INVS: variants seen among roughly 807,000 people sequenced by gnomAD.
INVS encodes the protein inversion of embryo turning homolog.
INVS carries 86 observed loss-of-function variants against 108.8 expected under a neutral mutation model. The ratio of observed to expected loss-of-function variants is 0.79; its 90% CI spans 0.66 to 0.95. INVS has a LOEUF of 0.95. INVS is among the 40% of genes least tolerant of loss of function. The pLI is 0.00. For synonymous variants in INVS, 455 were observed against 473.5 expected, an observed-to-expected ratio of 0.96 and a Z score of 0.51; for missense variants, 1,169 against 1,297.4, an observed-to-expected ratio of 0.90 and a Z score of 1.52.
chr9:100,275,925 G>A (rs1225674689), intron 12 of INVS, among the ~76,000 whole-genome samples: 1 of 152,178 alleles, frequency 6.6e-6, no homozygotes, highest in East Asian at 1.9e-4. Context: ...CAAAGCACAC[G>A]GTTGAGTGTA....
At chr9:100,104,467 C>A in intron 1 of INVS, 31 bp from the exon 2 acceptor site, 2 of 1,180,070 alleles carry the variant, frequency 1.7e-6, no homozygotes, top group Non-Finnish European at 2.5e-6. Context: ...ATGTTTGCTG[C>A]ATGCGCTCAT....
At chr9:100,283,140 C>G (rs1198947461) in intron 12 of INVS, among the ~76,000 whole-genome samples, 1 of 152,094 alleles carries the variant, frequency 6.6e-6, no homozygotes, top group Non-Finnish European at 1.5e-5. Context: ...GAGACCCCCC[C>G]TCCCCATCTC....
intron 12 of INVS, 90 bp downstream of exon 12, chr9:100,273,166 G>A (rs1301899612): frequency 2.2e-6 from 2 of 919,136 alleles, no homozygotes; most frequent in Non-Finnish European, 3.6e-6. Flanking sequence ...CCAGGAGAGG[G>A]AAACAGATGA....
chr9:100,253,831 T>C (rs1480212060), intron 10 of INVS, among the ~76,000 whole-genome samples: 1 of 152,154 alleles, frequency 6.6e-6, no homozygotes, highest in East Asian at 1.9e-4. Flanking sequence ...TACATTTGGG[T>C]TGGTTCCAAG....
chr9:100,133,338 A>ATGTGTGTG (rs140513551), intron 3 of INVS, among the ~76,000 whole-genome samples: 2 of 146,498 alleles, frequency 1.4e-5, no homozygotes, highest in African/African-American at 5.0e-5. Flanking sequence ...CCTTTACTTT[A>ATGTGTGTG]TGTGTGTGTG....
At chr9:100,135,965 T>C (rs556477334) in intron 3 of INVS, among the ~76,000 whole-genome samples, 1 of 152,110 alleles carries the variant, frequency 6.6e-6, no homozygotes, top group African/African-American at 2.4e-5. Context: ...AGTGGTGTTA[T>C]GGAGCCAGAG....
At chr9:100,124,231 A>G (rs904191243) in intron 2 of INVS, among the ~76,000 whole-genome samples, 2 of 149,718 alleles carry the variant, frequency 1.3e-5, no homozygotes, top group South Asian at 4.2e-4. Flanking sequence ...TGTTCTAGGT[A>G]TTAGAATATG....
intron 10 of INVS, among the ~76,000 whole-genome samples, chr9:100,257,664 T>G (rs1430582654): frequency 6.6e-6 from 1 of 152,230 alleles, no homozygotes; most frequent in African/African-American, 2.4e-5. Context: ...CCTTCACTTA[T>G]GAAGCTTAGT....
At chr9:100,230,746 T>C (rs764857427) in intron 5 of INVS, among the ~76,000 whole-genome samples, 30 of 152,122 alleles carry the variant, frequency 2.0e-4, no homozygotes, top group Non-Finnish European at 3.7e-4. Flanking sequence ...CTCGACCTCT[T>C]GACCTCGTGA....
intron 3 of INVS, chr9:100,214,970 T>G (rs1383710632): frequency 6.6e-6 from 1 of 152,244 alleles, no homozygotes; most frequent in Non-Finnish European, 1.5e-5. Flanking sequence ...AGTTAATGTG[T>G]CCCATTCCAG....
At chr9:100,127,393 C>A (rs1827920681) in intron 3 of INVS, among the ~76,000 whole-genome samples, 1 of 151,870 alleles carries the variant, frequency 6.6e-6, no homozygotes, top group African/African-American at 2.4e-5. Context: ...AAGATTAAAC[C>A]CATCAAACAG....
At chr9:100,110,126 G>C (rs1256793921) in intron 2 of INVS, among the ~76,000 whole-genome samples, 1 of 152,168 alleles carries the variant, frequency 6.6e-6, no homozygotes, top group Non-Finnish European at 1.5e-5. Context: ...TTGCCTACAT[G>C]CAAATGTGTT....
In INVS at chr9:100,104,620, C is replaced by G; in HGVS notation, c.99C>G (p.Leu33=). ...VNGDKGALQR[L]IVGNSALKDK... The stretch of plus-strand genomic sequence containing the variant: ...GAGATAAGGGTGCTCTACAGAGGCT[C>G]ATCGTAGGTAAGCAGTCCCCTTAAG... Residue 33 remains leucine, a synonymous_variant, in exon 2 of 17, where the codon CTC becomes CTG. Coordinates refer to ENST00000262457, the MANE Select transcript of INVS (RefSeq NM_014425.5). The G allele has an allele frequency of 4.3e-6, 7 of 1,610,346 alleles. No individual in the cohort carries two copies. Among genetic ancestry groups the G allele is most frequent in the Non-Finnish European group, 5.9e-6 (7 of 1,176,496 alleles).
chr9:100,289,265 T>G (rs1833542651), intron 13 of INVS, among the ~76,000 whole-genome samples: 1 of 152,224 alleles, frequency 6.6e-6, no homozygotes, highest in South Asian at 2.1e-4. Flanking sequence ...CAAGGTTCAC[T>G]TCTCTCTAGA....
intron 1 of INVS, among the ~76,000 whole-genome samples, chr9:100,100,316 C>T (rs1433524518): frequency 6.6e-6 from 1 of 151,536 alleles, no homozygotes; most frequent in African/African-American, 2.4e-5. Flanking sequence ...CTTACCAAGG[C>T]GGCCTAACTC....
At chr9:100,191,637 T>C (rs900036923) in intron 3 of INVS, among the ~76,000 whole-genome samples, 1 of 152,228 alleles carries the variant, frequency 6.6e-6, no homozygotes. Context: ...TTGCATCTCC[T>C]TGAGTAGCTT....
chr9:100,240,752 A>G (rs1831842672), intron 6 of INVS, among the ~76,000 whole-genome samples: 1 of 152,080 alleles, frequency 6.6e-6, no homozygotes, highest in African/African-American at 2.4e-5. Flanking sequence ...AGTTTTACCC[A>G]TTAATAGTCA....
At chr9:100,161,109 AGCACGCCTGTAATCCC>A (rs1469590283) in intron 3 of INVS, among the ~76,000 whole-genome samples, 3 of 145,084 alleles carry the variant, frequency 2.1e-5, no homozygotes, top group Non-Finnish European at 3.2e-5. Flanking sequence ...GTGTAATCCC[AGCACGCCTGTAATCCC>A]AGCACTTTGG....
At chr9:100,253,624 C>T (rs1832315939) in intron 10 of INVS, among the ~76,000 whole-genome samples, 1 of 152,036 alleles carries the variant, frequency 6.6e-6, no homozygotes, top group South Asian at 2.1e-4. Flanking sequence ...TCCAAGTGTT[C>T]TCATTGTTCA....
Sources: gnomAD v4.1 joint callset for allele counts (sites outside exome capture counted in the v4.1 genomes callset) on GRCh38, gnomAD v4.1.1 for gene constraint, MANE v1.5 for transcripts, NCBI Gene and HGNC (gene_info 2026-07-23, HGNC 2026-07-21) for gene names.